Variants in PPP1R12C observed in about 807,000 individuals in gnomAD.
The protein encoded by PPP1R12C is protein phosphatase 1 regulatory subunit 12C, also known as leukocyte receptor cluster (LRC) encoded novel gene 3.
PPP1R12C carries 48 observed loss-of-function variants against 95.6 expected under a neutral mutation model. That is an observed-to-expected ratio of 0.50 (90% confidence interval 0.40 to 0.64). The LOEUF is 0.64. Among genes scored for constraint, PPP1R12C ranks in the 30% least tolerant of loss-of-function variants. The pLI, the probability that PPP1R12C is intolerant of heterozygous loss-of-function variation, is 0.00. For missense variants in PPP1R12C, 1,057 were observed against 1,083.3 expected, an observed-to-expected ratio of 0.98 and a Z score of 0.34; for synonymous variants, 480 against 460.8, an observed-to-expected ratio of 1.04 and a Z score of -0.53.
intron 5 of PPP1R12C, 37 bp downstream of exon 5, chr19:55,098,914 C>G (rs766556767): frequency 8.1e-6 from 13 of 1,606,444 alleles, no homozygotes; most frequent in South Asian, 1.1e-5. Context: ...GCCCTCCCCA[C>G]GCCCTGCCCC....
chr19:55,094,621 T>TGGGGGC (rs767168829), intron 12 of PPP1R12C, 40 bp downstream of exon 12: 38 of 1,544,944 alleles, frequency 2.5e-5, no homozygotes, highest in African/African-American at 4.1e-5. Flanking sequence ...CTCTCCCTGC[T>TGGGGGC]GGGGGCGGGG....
chr19:55,102,882 C>A (rs1265080353), intron 4 of PPP1R12C, among the ~76,000 whole-genome samples: 1 of 152,168 alleles, frequency 6.6e-6, no homozygotes, highest in South Asian at 2.1e-4. Flanking sequence ...AAAATAGTAA[C>A]AAAATGATGA....
intron 6 of PPP1R12C, among the ~76,000 whole-genome samples, chr19:55,098,046 A>T (rs2084941899): frequency 6.6e-6 from 1 of 152,110 alleles, no homozygotes; most frequent in Admixed American, 6.5e-5. Flanking sequence ...CCAACCTTTC[A>T]AAAGAGGAAG....
chr19:55,092,129 C>A, intron 19 of PPP1R12C, 93 bp downstream of exon 19: 1 of 1,249,032 alleles, frequency 8.0e-7, no homozygotes, highest in Non-Finnish European at 1.1e-6. Flanking sequence ...CCAGCCCCGC[C>A]GGCACCCCCA....
At chr19:55,098,634 TG>T (rs2084948191) in intron 6 of PPP1R12C, 149 bp downstream of exon 6, 2 of 939,716 alleles carry the variant, frequency 2.1e-6, no homozygotes, top group Admixed American at 4.5e-5. Context: ...CTCCTGAGGC[TG>T]GGGCTGGGGC....
intron 6 of PPP1R12C, among the ~76,000 whole-genome samples, chr19:55,098,154 A>G (rs1424064015): frequency 6.6e-6 from 1 of 152,206 alleles, no homozygotes; most frequent in Non-Finnish European, 1.5e-5. Context: ...GCATGGCTCT[A>G]GTGCTTTCCA....
chr19:55,091,998 C>T, intron 19 of PPP1R12C, 89 bp from the exon 20 acceptor site: 1 of 1,510,086 alleles, frequency 6.6e-7, no homozygotes, highest in South Asian at 1.1e-5. Context: ...ACCCGCCCGC[C>T]CACTAGGCAG....
In PPP1R12C at chr19:55,109,294, C is replaced by T. The variant is rs1029281191; in HGVS notation, c.571+3173G>A. Among the ~76,000 whole-genome samples, 1 of 152,168 alleles carries T rather than the reference C, an allele frequency of 6.6e-6. No individual in the cohort carries two copies. Among genetic ancestry groups the T allele is most frequent in the African/African-American group, 2.4e-5 (1 of 41,438 alleles). On this transcript the variant is annotated intron_variant, in intron 3 of 21. Transcript: ENST00000263433. This position sits in a 1 kb window ranked among gnomAD's most constrained non-coding sequence, Gnocchi z 4.4. ...GTTTTGTTTTATAGAGATGGGTTCT[C>T]ACTAGGTTTCCCAGGCTGGTCTCAA...
intron 11 of PPP1R12C, 100 bp downstream of exon 11, chr19:55,095,191 A>G (rs1403006561): frequency 3.8e-6 from 5 of 1,325,850 alleles, no homozygotes; most frequent in Admixed American, 2.0e-5. Context: ...GGCAGGAACC[A>G]GACCCCAGGG....
At chr19:55,107,515 T>C (rs1190174385) in intron 3 of PPP1R12C, among the ~76,000 whole-genome samples, 2 of 152,076 alleles carry the variant, frequency 1.3e-5, no homozygotes, top group East Asian at 3.8e-4. Context: ...TGGAATACTA[T>C]GCAGCCATAA....
intron 1 of PPP1R12C, among the ~76,000 whole-genome samples, chr19:55,116,139 G>A (rs2085151017): frequency 6.6e-6 from 1 of 152,186 alleles, no homozygotes; most frequent in Non-Finnish European, 1.5e-5. Flanking sequence ...CTTTGGGGTT[G>A]TCCAGAAAAA....
At chr19:55,093,329 C>A in intron 13 of PPP1R12C, 96 bp from the exon 14 acceptor site, 2 of 245,644 alleles carry the variant, frequency 8.1e-6, no homozygotes, top group Non-Finnish European at 1.4e-5. Context: ...CCTCCTCCCT[C>A]AGACCCAGGA....
intron 1 of PPP1R12C, 149 bp from the exon 2 acceptor site, chr19:55,112,944 GT>G: frequency 8.7e-7 from 1 of 1,148,118 alleles, no homozygotes; most frequent in Non-Finnish European, 1.2e-6. Context: ...GCCACTGGCT[GT>G]TTAAGATACG....
chr19:55,095,859 C>T lies in PPP1R12C; in HGVS notation c.1227+8G>A, dbSNP rs778776871. On this transcript the variant is annotated splice_region_variant and intron_variant, in intron 9 of 21. Coordinates refer to ENST00000263433, the MANE Select transcript of PPP1R12C (RefSeq NM_017607.4). The stretch of plus-strand genomic sequence containing the variant: ...AGCCTCACAGGACCTCTCAGGGCAT[C>T]CACTCACCACGGGACTCTTAGGGCT... 6.2e-7 allele frequency: 1 copy of T among 1,613,492 alleles called. No individual in the cohort carries two copies. Among genetic ancestry groups the T allele is most frequent in the East Asian group, 2.2e-5 (1 of 44,858 alleles).
rs531728230 is a variant in PPP1R12C, at chr19:55,109,516, G to T, written c.571+2951C>A. ...AGGACTTTGCGGTGTTGGAGGGAGC[G>T]GTGGCTCCAGGCCACGAGGTGACTG... On this transcript the variant is annotated intron_variant, in intron 3 of 21. Coordinates refer to ENST00000263433, the MANE Select transcript of PPP1R12C (RefSeq NM_017607.4). This position sits in a 1 kb window ranked among gnomAD's most constrained non-coding sequence, Gnocchi z 4.4. Among the ~76,000 whole-genome samples the T allele has an allele frequency of 2.0e-5, 3 of 152,232 alleles. No individual in the cohort carries two copies. The highest frequency in any genetic ancestry group is 7.2e-5 in the African/African-American group (3 of 41,460).
intron 1 of PPP1R12C, chr19:55,115,587 C>T (rs1254814026): frequency 6.9e-6 from 1 of 145,288 alleles, no homozygotes; most frequent in Non-Finnish European, 1.5e-5. Context: ...TCCTCTCTGG[C>T]TCCATCGTAA....
Position 55,096,181 on chromosome 19 carries a change from G to A in PPP1R12C, c.1026-3C>T, listed in dbSNP as rs1338285452. 19 of 1,607,790 alleles carry A rather than the reference G, an allele frequency of 1.2e-5. No individual in the cohort carries two copies. Among genetic ancestry groups the A allele is most frequent in the South Asian group, 8.8e-5 (8 of 90,940 alleles). On this transcript the variant is annotated splice_region_variant and splice_polypyrimidine_tract_variant and intron_variant, in intron 7 of 21. Coordinates refer to ENST00000263433, the MANE Select transcript of PPP1R12C (RefSeq NM_017607.4). ...TGCTCAGACGACACACAGAGCTCCT[G>A]TTGGGGAAGGAGAGGGTGCTGGGGT...
rs180881669 is a variant in PPP1R12C, at chr19:55,099,626, G to A, written c.732-531C>T. 9.9e-4 allele frequency among the ~76,000 whole-genome samples: 150 copies of A among 152,128 alleles called. 1 individual carries two copies. The highest frequency in any genetic ancestry group is 1.9e-3 in the Non-Finnish European group (126 of 67,968). On this transcript the variant is annotated intron_variant, in intron 4 of 21. Transcript: ENST00000263433. The stretch of plus-strand genomic sequence containing the variant: ...ACTTAGGGCAAGGGTTAGCGGCATC[G>A]GCTGGGTGGAGGCCAGGGAGGCTGC...
Position 55,092,343 on chromosome 19 carries a change from G to T in PPP1R12C, c.2056-17C>A. 1 of 1,582,710 alleles carries T rather than the reference G, an allele frequency of 6.3e-7. No homozygotes were observed. The highest frequency in any genetic ancestry group is 8.6e-7 in the Non-Finnish European group (1 of 1,164,068). ...TGCATACAGCTGGGGGTCAGGTAGA[G>T]GAGGGTCAGGTGGAGGATGGGGCGA... On this transcript the variant is annotated splice_polypyrimidine_tract_variant and intron_variant, in intron 18 of 21. Transcript: ENST00000263433.
Sources: gnomAD v4.1 joint callset for allele counts (sites outside exome capture counted in the v4.1 genomes callset) on GRCh38, gnomAD v4.1.1 for gene constraint, Gnocchi (gnomAD v3.1) non-coding constraint, MANE v1.5 for transcripts, NCBI Gene and HGNC (gene_info 2026-07-23, HGNC 2026-07-21) for gene names.